GABRR2: variants seen among roughly 807,000 people sequenced by gnomAD.
GABRR2 encodes the protein gamma-aminobutyric acid type A receptor subunit rho2.
A neutral mutation model predicts 47.0 loss-of-function variants in GABRR2; 36 were observed. That is an observed-to-expected ratio of 0.77 (90% CI 0.59 to 1.01). GABRR2 has a LOEUF of 1.01. Ranked by LOEUF, GABRR2 falls within the 50% of genes least tolerant of loss-of-function variation. The pLI, the probability that GABRR2 is intolerant of heterozygous loss-of-function variation, is 0.00. For missense variants in GABRR2, 587 were observed against 594.6 expected, an observed-to-expected ratio of 0.99 and a Z score of 0.13; for synonymous variants, 204 against 227.5, an observed-to-expected ratio of 0.90 and a Z score of 0.93.
At chr6:89,289,321 T>C (rs77198592) in intron 2 of GABRR2, among the ~76,000 whole-genome samples, 7,182 of 152,204 alleles carry the variant, frequency 0.047, 501 homozygotes, top group African/African-American at 0.15. Context: ...AGGGAAGCCT[T>C]GAAGCTTCAG....
At chr6:89,302,518 G>C (rs2127848238) in intron 1 of GABRR2, 1 of 788,930 alleles carries the variant, frequency 1.3e-6, no homozygotes, top group Non-Finnish European at 2.1e-6. Context: ...GCTCAATGCG[G>C]ACCTGCACAA....
chr6:89,257,371 T>C lies in GABRR2; in HGVS notation c.*299A>G. On this transcript the variant is annotated 3_prime_UTR_variant, in exon 9 of 9. Transcript: ENST00000402938. ...GGGTCTAAGAATGTCTAGGAGGCAT[T>C]TGAATCCTTGTTTATAGGAGGGGAG... 2.8e-6 allele frequency: 1 copy of C among 363,114 alleles called. No individual in the cohort carries two copies. Among genetic ancestry groups the C allele is most frequent in the Non-Finnish European group, 5.0e-6 (1 of 200,812 alleles). The allele number at this position is 363,114 out of a possible 1,614,324, so 22.5% of individuals were successfully genotyped here. A position where few individuals can be genotyped will look rare whatever the true frequency, so the allele number is the denominator to read the frequency against.
chr6:89,308,608 C>T (rs1049174905), intron 1 of GABRR2, among the ~76,000 whole-genome samples: 1 of 152,220 alleles, frequency 6.6e-6, no homozygotes, highest in African/African-American at 2.4e-5. Context: ...TACACCCCTA[C>T]TTCTAACACT....
At position 89,265,686 on chromosome 6, in the gene GABRR2, G is replaced by A. The variant is rs138736350; in HGVS notation, c.816C>T (p.Ala272=). 73 of 1,614,078 alleles carry A rather than the reference G, an allele frequency of 4.5e-5. No homozygotes were observed. The African/African-American group carries it at 8.7e-4, about 19-fold the overall frequency. ...CCCAGGACAGCATGACCATCAGAGT[G>A]GCAGGGAAATATGTTTGGAGCAAGA... is the stretch of plus-strand genomic sequence containing the variant. ...FFFLLQTYFP[A]TLMVMLSWVS... Residue 272 remains alanine (A), a synonymous_variant, in exon 7 of 9, where the codon GCC becomes GCT. Transcript: ENST00000402938.
intron 2 of GABRR2, among the ~76,000 whole-genome samples, chr6:89,280,910 T>C (rs549329719): frequency 6.6e-6 from 1 of 152,408 alleles, no homozygotes; most frequent in South Asian, 2.1e-4. Flanking sequence ...GCTCAGTGAA[T>C]TCTTCAGGCT....
At chr6:89,280,247 T>TATATATATAC (rs1271132149) in intron 2 of GABRR2, among the ~76,000 whole-genome samples, 1,423 of 100,326 alleles carry the variant, frequency 0.014, 13 homozygotes, top group Admixed American at 0.018. Flanking sequence ...TATATATATA[T>TATATATATAC]ATATATACAT....
At chr6:89,285,232 A>G (rs6454748) in intron 2 of GABRR2, among the ~76,000 whole-genome samples, 75,999 of 152,026 alleles carry the variant, frequency 0.5, 19,192 homozygotes, top group East Asian at 0.69. Context: ...GGGCCCAGCT[A>G]CCCTGGCATT....
chr6:89,313,115 C>A (rs929338370), intron 1 of GABRR2, among the ~76,000 whole-genome samples: 3 of 152,168 alleles, frequency 2.0e-5, no homozygotes, highest in Non-Finnish European at 2.9e-5. Flanking sequence ...AAATCAGGAA[C>A]CTACATTCTA....
Position 89,255,141 on chromosome 6 carries a change from G to C in GABRR2, c.*2529C>G, listed in dbSNP as rs967555873. Among the ~76,000 whole-genome samples, 1 of 152,104 alleles carries C rather than the reference G, an allele frequency of 6.6e-6. No individual in the cohort carries two copies. The highest frequency in any genetic ancestry group is 2.4e-5 in the African/African-American group (1 of 41,408). ...ACTGTGGCCTGGGAGAGTCTCTATA[G>C]ATAAAAGGTTTCTGGCCGGGTGTGG... On this transcript the variant is annotated 3_prime_UTR_variant, in exon 9 of 9. Coordinates refer to ENST00000402938, the MANE Select transcript of GABRR2 (RefSeq NM_002043.5).
chr6:89,312,077 G>A (rs2127852633), intron 1 of GABRR2, among the ~76,000 whole-genome samples: 1 of 152,292 alleles, frequency 6.6e-6, no homozygotes, highest in East Asian at 1.9e-4. Context: ...CTACAGAGGG[G>A]GCTCCACGTT....
chr6:89,260,785 A>G (rs1001321533), intron 8 of GABRR2, among the ~76,000 whole-genome samples: 1 of 152,224 alleles, frequency 6.6e-6, no homozygotes, highest in Non-Finnish European at 1.5e-5. Context: ...TATTTTTAAC[A>G]GACTCAGGAG....
intron 2 of GABRR2, among the ~76,000 whole-genome samples, chr6:89,295,327 G>A (rs1774535260): frequency 1.3e-5 from 2 of 152,060 alleles, no homozygotes; most frequent in Admixed American, 1.3e-4. Flanking sequence ...TTTAATGATG[G>A]CCATTCTAAC....
chr6:89,309,510 A>C (rs55788135), intron 1 of GABRR2, among the ~76,000 whole-genome samples: 9,858 of 152,222 alleles, frequency 0.065, 576 homozygotes, highest in African/African-American at 0.16. Context: ...ATTCATGCAA[A>C]ATGCATTGAA....
At chr6:89,295,191 T>G (rs1774533672) in intron 2 of GABRR2, among the ~76,000 whole-genome samples, 1 of 152,224 alleles carries the variant, frequency 6.6e-6, no homozygotes, top group Non-Finnish European at 1.5e-5. Flanking sequence ...GTATTTCTAG[T>G]TCTAGATCCT....
chr6:89,315,005 C>T, intron 1 of GABRR2, 48 bp downstream of exon 1: 1 of 1,543,528 alleles, frequency 6.5e-7, no homozygotes, highest in Non-Finnish European at 8.9e-7. Context: ...GCCACTGCTG[C>T]TGCTACTATG....
At chr6:89,306,206 G>A (rs1459783999) in intron 1 of GABRR2, among the ~76,000 whole-genome samples, 3 of 151,146 alleles carry the variant, frequency 2.0e-5, no homozygotes, top group Admixed American at 6.6e-5. Flanking sequence ...GCAAGACCCC[G>A]TCCCTTTAAA....
intron 2 of GABRR2, among the ~76,000 whole-genome samples, chr6:89,284,040 C>G (rs2127841134): frequency 6.6e-6 from 1 of 152,148 alleles, no homozygotes; most frequent in East Asian, 1.9e-4. Context: ...CCCACCACTC[C>G]AAAGATGGTT....
At position 89,264,468 on chromosome 6, in the gene GABRR2, C is replaced by A; in HGVS notation, c.1030G>T (p.Ala344Ser). 1 of 1,613,964 alleles carries A rather than the reference C, an allele frequency of 6.2e-7. No individual in the cohort carries two copies. Among genetic ancestry groups the A allele is most frequent in the Non-Finnish European group, 8.5e-7 (1 of 1,179,962 alleles). The change falls in exon 8 of 9, where the codon GCT (alanine) becomes TCT (serine). Residue 344 changes from alanine (A) to serine (S), a missense_variant. Transcript: ENST00000402938. ...FVFLSVLEYA[A>S]VNYLTTVQER... ...TGCACGGTGGTCAGGTAGTTGACAG[C>A]CGCATACTCCAGCACCGAGAGGAAC...
At chr6:89,302,635 C>A in intron 1 of GABRR2, 1 of 1,270,664 alleles carries the variant, frequency 7.9e-7, no homozygotes, top group Non-Finnish European at 1.1e-6. Context: ...GAGCTCACCC[C>A]TCAGATGTTT....
Sources: allele counts gnomAD v4.1 joint callset (sites outside exome capture counted in the v4.1 genomes callset), GRCh38; gene constraint gnomAD v4.1.1; transcripts MANE v1.5; gene names NCBI Gene and HGNC (gene_info 2026-07-23, HGNC 2026-07-21).